The following PIP5K1B variants were observed in gnomAD, a reference collection of about 807,000 sequenced individuals.
PIP5K1B encodes the protein phosphatidylinositol-4-phosphate 5-kinase type 1 beta.
Under a neutral mutation model 67.0 loss-of-function variants are expected in PIP5K1B, and 42 were observed. That is an observed-to-expected ratio of 0.63 (90% CI 0.49 to 0.81). PIP5K1B has a LOEUF of 0.81. Among genes scored for constraint, PIP5K1B ranks in the 30% least tolerant of loss-of-function variants. The pLI, the probability that PIP5K1B is intolerant of heterozygous loss-of-function variation, is 0.00. For missense variants in PIP5K1B, 459 were observed against 646.3 expected, an observed-to-expected ratio of 0.71 and a Z score of 3.14; for synonymous variants, 214 against 231.4, an observed-to-expected ratio of 0.92 and a Z score of 0.68.
Position 68,876,802 on chromosome 9 carries a change from C to G in PIP5K1B, c.318+8C>G. ...AAGCCTGATGATTACTTGGTAAGAA[C>G]CTGTCATTTTTCTTCCTTCTATAGA... On this transcript the variant is annotated splice_region_variant and intron_variant, in intron 6 of 15. Transcript: ENST00000265382. The G allele has an allele frequency of 7.6e-7, 1 of 1,309,334 alleles. No homozygotes were observed. Among genetic ancestry groups the G allele is most frequent in the Non-Finnish European group, 1.1e-6 (1 of 902,098 alleles). 81.1% of individuals were successfully genotyped at this position (1,309,334 alleles called of 1,614,324 possible).
intron 4 of PIP5K1B, among the ~76,000 whole-genome samples, chr9:68,842,753 A>G (rs913597656): frequency 2.6e-5 from 4 of 152,190 alleles, no homozygotes; most frequent in African/African-American, 7.2e-5. Context: ...ACATCCTACA[A>G]TGGACAGCTC....
chr9:68,825,555 C>A (rs1281355879), intron 4 of PIP5K1B, among the ~76,000 whole-genome samples: 1 of 152,214 alleles, frequency 6.6e-6, no homozygotes, highest in Non-Finnish European at 1.5e-5. Flanking sequence ...CCTTAAATTT[C>A]TTTCCCAGTC....
At chr9:68,968,318 G>A (rs546735818) in intron 14 of PIP5K1B, among the ~76,000 whole-genome samples, 4 of 152,158 alleles carry the variant, frequency 2.6e-5, no homozygotes, top group South Asian at 4.2e-4. Context: ...TCAGGAGTTC[G>A]AGACCAACCT....
intron 4 of PIP5K1B, among the ~76,000 whole-genome samples, chr9:68,860,307 C>T (rs1822995357): frequency 6.6e-6 from 1 of 151,966 alleles, no homozygotes; most frequent in African/African-American, 2.4e-5. Context: ...ACTATTAAAG[C>T]ATTTAATTTT....
intron 12 of PIP5K1B, among the ~76,000 whole-genome samples, chr9:68,926,300 T>C (rs1826696725): frequency 6.6e-6 from 1 of 152,154 alleles, no homozygotes; most frequent in South Asian, 2.1e-4. Context: ...GTACAATCAA[T>C]GGCATCTTCA....
At chr9:68,892,174 A>C (rs1824825660) in intron 7 of PIP5K1B, among the ~76,000 whole-genome samples, 1 of 152,192 alleles carries the variant, frequency 6.6e-6, no homozygotes, top group Non-Finnish European at 1.5e-5. Flanking sequence ...TCAACTTATA[A>C]ATCCAGTCTA....
At chr9:68,755,064 T>A (rs1452191830) in intron 2 of PIP5K1B, among the ~76,000 whole-genome samples, 2 of 152,232 alleles carry the variant, frequency 1.3e-5, no homozygotes, top group Non-Finnish European at 2.9e-5. Flanking sequence ...TTGAAAGATC[T>A]GTAAGAATTT....
At chr9:68,879,440 T>C (rs567518639) in intron 6 of PIP5K1B, among the ~76,000 whole-genome samples, 12 of 152,246 alleles carry the variant, frequency 7.9e-5, no homozygotes, top group Admixed American at 7.2e-4. Context: ...TGGTGGCACA[T>C]GCCTGTAATC....
At chr9:69,001,008 G>A (rs1024904215) in intron 15 of PIP5K1B, among the ~76,000 whole-genome samples, 2 of 151,524 alleles carry the variant, frequency 1.3e-5, no homozygotes, top group African/African-American at 4.9e-5. Flanking sequence ...AGTGATTCTC[G>A]TGCCTCAGTC....
intron 4 of PIP5K1B, among the ~76,000 whole-genome samples, chr9:68,825,779 A>G (rs1833946655): frequency 6.6e-6 from 1 of 152,200 alleles, no homozygotes; most frequent in Non-Finnish European, 1.5e-5. Flanking sequence ...ACAGTAGTCT[A>G]TAATGAGGAG....
chr9:68,883,896 T>A (rs181503536), intron 6 of PIP5K1B, among the ~76,000 whole-genome samples: 68 of 151,666 alleles, frequency 4.5e-4, no homozygotes, highest in Non-Finnish European at 8.8e-5. Context: ...CCACACACAA[T>A]GGGGAAAGGA....
intron 8 of PIP5K1B, among the ~76,000 whole-genome samples, chr9:68,895,265 TA>T (rs11342436): frequency 0.46 from 56,285 of 121,136 alleles, 11,735 homozygotes; most frequent in East Asian, 0.6. Flanking sequence ...TGCAATGCTT[TA>T]AAAAAAAAAA....
At chr9:68,836,041 C>T (rs751542898) in intron 4 of PIP5K1B, among the ~76,000 whole-genome samples, 9 of 151,884 alleles carry the variant, frequency 5.9e-5, no homozygotes, top group Non-Finnish European at 8.8e-5. Flanking sequence ...CAAGTGCCAC[C>T]CTCTTGAAGG....
chr9:68,827,039 A>C (rs1834023690), intron 4 of PIP5K1B, among the ~76,000 whole-genome samples: 1 of 152,218 alleles, frequency 6.6e-6, no homozygotes, highest in Admixed American at 6.5e-5. Context: ...GGTGTGAGCC[A>C]CTGGGCCCGG....
chr9:68,743,838 C>T (rs1829138514), intron 2 of PIP5K1B, among the ~76,000 whole-genome samples: 1 of 152,144 alleles, frequency 6.6e-6, no homozygotes, highest in African/African-American at 2.4e-5. Flanking sequence ...TATTGATTCT[C>T]CTTGGGTTTC....
chr9:68,980,247 T>C (rs1422892558), intron 14 of PIP5K1B, among the ~76,000 whole-genome samples: 1 of 152,232 alleles, frequency 6.6e-6, no homozygotes, highest in Non-Finnish European at 1.5e-5. Context: ...AGGTGTTGGT[T>C]TGACCATCAC....
At chr9:68,893,582 T>C (rs1310695145) in intron 7 of PIP5K1B, among the ~76,000 whole-genome samples, 1 of 152,176 alleles carries the variant, frequency 6.6e-6, no homozygotes, top group Non-Finnish European at 1.5e-5. Flanking sequence ...TCCACCCGCC[T>C]TGGCCTCCCA....
chr9:68,805,628 G>A (rs571502772), intron 2 of PIP5K1B, among the ~76,000 whole-genome samples: 3 of 152,316 alleles, frequency 2.0e-5, no homozygotes, highest in African/African-American at 7.2e-5. Context: ...AAGCTGGGCA[G>A]TGTTGTGACA....
chr9:68,791,851 A>G (rs1831988884), intron 2 of PIP5K1B, among the ~76,000 whole-genome samples: 1 of 152,196 alleles, frequency 6.6e-6, no homozygotes, highest in African/African-American at 2.4e-5. Flanking sequence ...AGACCTCTCC[A>G]CTTCAACATA....
Sources: gnomAD v4.1 joint callset for allele counts (sites outside exome capture counted in the v4.1 genomes callset) on GRCh38, gnomAD v4.1.1 for gene constraint, MANE v1.5 for transcripts, NCBI Gene and HGNC (gene_info 2026-07-23, HGNC 2026-07-21) for gene names.